The following ABRAXAS1 variants were observed in gnomAD, a reference collection of about 807,000 sequenced individuals.
The protein encoded by ABRAXAS1 is BRCA1-A complex subunit Abraxas 1.
ABRAXAS1 carries 26 observed loss-of-function variants against 38.4 expected under a neutral mutation model. The observed-to-expected ratio is 0.68, with a 90% CI of 0.50 to 0.94. The LOEUF is 0.94. Among genes scored for constraint, ABRAXAS1 ranks in the 40% least tolerant of loss-of-function variants. The probability of loss-of-function intolerance (pLI) is 0.00; values close to 1 mark genes in which losing one functional copy is unlikely to be tolerated. For missense variants in ABRAXAS1, 438 were observed against 481.9 expected, an observed-to-expected ratio of 0.91 and a Z score of 0.85; for synonymous variants, 144 against 165.5, an observed-to-expected ratio of 0.87 and a Z score of 1.00.
At chr4:83,478,849 A>G (rs1164534017) in intron 2 of ABRAXAS1, 6 of 153,018 alleles carry the variant, frequency 3.9e-5, no homozygotes. Flanking sequence ...AAAATTATAA[A>G]CTGTATTAGC....
chr4:83,472,969 T>C (rs969434810), intron 3 of ABRAXAS1, among the ~76,000 whole-genome samples: 1 of 152,212 alleles, frequency 6.6e-6, no homozygotes, highest in African/African-American at 2.4e-5. Context: ...TTAAATATGT[T>C]ATACAAAATC....
At chr4:83,469,409 C>T (rs1444975270) in intron 5 of ABRAXAS1, 13 of 322,054 alleles carry the variant, frequency 4.0e-5, no homozygotes, top group Non-Finnish European at 6.5e-5. Flanking sequence ...TTCAACCTCC[C>T]GTGCTCAAGC....
chr4:83,465,122 C>A (rs1004659741), intron 7 of ABRAXAS1, among the ~76,000 whole-genome samples: 1 of 151,578 alleles, frequency 6.6e-6, no homozygotes. Context: ...ATGGCGAAAC[C>A]CTGTCTCTAC....
At chr4:83,480,559 AC>A (rs1722963369) in intron 2 of ABRAXAS1, among the ~76,000 whole-genome samples, 1 of 152,184 alleles carries the variant, frequency 6.6e-6, no homozygotes, top group African/African-American at 2.4e-5. Flanking sequence ...AAAGTAGCAA[AC>A]AAAAATAACA....
chr4:83,484,115 G>A (rs1367679793), intron 1 of ABRAXAS1: 8 of 947,258 alleles, frequency 8.4e-6, no homozygotes, highest in African/African-American at 1.8e-5. Flanking sequence ...TGATTCACCC[G>A]CCTCGGCTTC....
intron 7 of ABRAXAS1, among the ~76,000 whole-genome samples, chr4:83,466,636 C>T (rs1411889042): frequency 7.2e-5 from 11 of 151,740 alleles, no homozygotes; most frequent in African/African-American, 2.2e-4. Context: ...CCTGGGTTCA[C>T]GCCATTCTCC....
chr4:83,468,029 G>A lies in ABRAXAS1; in HGVS notation c.597-491C>T, dbSNP rs559093643. Among the ~76,000 whole-genome samples the A allele has an allele frequency of 3.2e-3, 489 of 152,238 alleles. 3 individuals are homozygous for A. The highest frequency in any genetic ancestry group is 4.9e-3 in the Non-Finnish European group (333 of 68,002). Reference sequence around the variant, plus strand: ...ATGAAAAATGTGCATCTTGCCGGGCGCGGTGGCTCACGCCTGTAATCCCAA... The same window carrying A: ...ATGAAAAATGTGCATCTTGCCGGGCACGGTGGCTCACGCCTGTAATCCCAA... On this transcript the variant is annotated intron_variant, in intron 6 of 8. Coordinates refer to ENST00000321945, the MANE Select transcript of ABRAXAS1 (RefSeq NM_139076.3).
Position 83,470,446 on chromosome 4 carries a change from G to A in ABRAXAS1, c.283-50C>T, listed in dbSNP as rs138846806. On this transcript the variant is annotated intron_variant, in intron 4 of 8. Coordinates refer to ENST00000321945, the MANE Select transcript of ABRAXAS1 (RefSeq NM_139076.3). ...TACATCTTAATAGTTACAATGATATGTCTTACTATTATAATTAAATAAAAT... is the reference window on the plus strand; with the variant it reads ...TACATCTTAATAGTTACAATGATATATCTTACTATTATAATTAAATAAAAT... The A allele has an allele frequency of 1.0e-4, 131 of 1,256,266 alleles. No homozygotes were observed. The African/African-American group carries it at 1.8e-3, about 17-fold the overall frequency. 77.8% of individuals were successfully genotyped at this position (1,256,266 alleles called of 1,614,324 possible).
In ABRAXAS1 at chr4:83,462,593, C is replaced by T. The variant is rs755313466; in HGVS notation, c.1106G>A (p.Arg369Gln). ...RSRLLDTQDK[R>Q]SKADTGSSNQ... ...ACTACTACCAGTATCTGCTTTAGAT[C>T]GTTTGTCTTGTGTATCTAACAACCG... The change falls in exon 9 of 9, where the codon CGA becomes CAA. Residue 369 changes from arginine (R) to glutamine (Q), a missense_variant. Transcript: ENST00000321945. 26 of 1,613,914 alleles carry T rather than the reference C, an allele frequency of 1.6e-5. No homozygotes were observed. The highest frequency in any genetic ancestry group is 3.3e-5 in the South Asian group (3 of 91,080).
intron 3 of ABRAXAS1, among the ~76,000 whole-genome samples, chr4:83,473,150 T>A (rs1267076097): frequency 6.6e-6 from 1 of 152,042 alleles, no homozygotes; most frequent in Non-Finnish European, 1.5e-5. Context: ...TGTGGTGGTG[T>A]GTGCCTGTAG....
In ABRAXAS1 at chr4:83,482,224, T is replaced by C. The variant is rs767473687; in HGVS notation, c.108A>G (p.Glu36=). ...DSDTEGFLLG[E]VKGEAKNSIT... ...TGCTGTTCTTGGCTTCACCTTTTACTTCCCCAAGAAGAAAACCTTCCTATG... is the reference window on the plus strand; with the variant it reads ...TGCTGTTCTTGGCTTCACCTTTTACCTCCCCAAGAAGAAAACCTTCCTATG... The change falls in exon 2 of 9, where the codon GAA becomes GAG. Residue 36 remains glutamate, a synonymous_variant. Transcript: ENST00000321945. The C allele has an allele frequency of 6.2e-7, 1 of 1,611,346 alleles. No individual in the cohort carries two copies. Among genetic ancestry groups the C allele is most frequent in the Admixed American group, 1.7e-5 (1 of 59,654 alleles).
Position 83,463,593 on chromosome 4 carries a change from C to G in ABRAXAS1, c.697G>C (p.Val233Leu). Residue 233 changes from valine (V) to leucine (L), a missense_variant, in exon 8 of 9, where the codon GTG becomes CTG. Physicochemically the swap from Val to Leu is conservative, Grantham distance 32. Around this residue, in one of 3 missense-constraint regions of ABRAXAS1, gnomAD observed 194 missense variants for 269.0 expected, o/e 0.72. Transcript: ENST00000321945. ...QEELKSICKK[V>L]EDSEQAVDKL... Reference sequence around the variant, plus strand: ...TCTACTGCTTGTTCACTGTCTTCCACTTTTTTGCATATACTCTGCAAAATA... The same window carrying G: ...TCTACTGCTTGTTCACTGTCTTCCAGTTTTTTGCATATACTCTGCAAAATA... 1 of 1,607,186 alleles carries G rather than the reference C, an allele frequency of 6.2e-7. No individual in the cohort carries two copies. The highest frequency in any genetic ancestry group is 8.5e-7 in the Non-Finnish European group (1 of 1,176,346).
At chr4:83,463,065 A>C (rs942383893) in intron 8 of ABRAXAS1, among the ~76,000 whole-genome samples, 163 bp from the exon 9 acceptor site, 2 of 152,232 alleles carry the variant, frequency 1.3e-5, no homozygotes, top group African/African-American at 4.8e-5. Context: ...ATGCCACAGT[A>C]TTCTAAGACA....
At chr4:83,480,391 T>C in intron 2 of ABRAXAS1, 1 of 420,620 alleles carries the variant, frequency 2.4e-6, no homozygotes, top group Non-Finnish European at 4.7e-6. Flanking sequence ...ACAAAATGTA[T>C]ATATACACAT....
chr4:83,477,629 A>T, intron 2 of ABRAXAS1: 1 of 510,066 alleles, frequency 2.0e-6, no homozygotes, highest in Non-Finnish European at 3.9e-6. Context: ...TTCCCCATGG[A>T]CCTTGCCAAA....
chr4:83,472,211 T>A lies in ABRAXAS1; in HGVS notation c.282+11A>T. ...TAATACCAAAAAAAGGGAAGATAAA[T>A]TAGAGAATACCTTTTTGACATTTGA... is the stretch of plus-strand genomic sequence containing the variant. On this transcript the variant is annotated intron_variant, in intron 4 of 8. Coordinates refer to ENST00000321945, the MANE Select transcript of ABRAXAS1 (RefSeq NM_139076.3). 6.8e-7 allele frequency: 1 copy of A among 1,475,818 alleles called. No individual in the cohort carries two copies. The highest frequency in any genetic ancestry group is 1.3e-5 in the South Asian group (1 of 74,660). 91.4% of individuals were successfully genotyped at this position (1,475,818 alleles called of 1,614,324 possible).
intron 2 of ABRAXAS1, chr4:83,478,162 C>A: frequency 1.3e-6 from 1 of 745,786 alleles, no homozygotes; most frequent in Admixed American, 1.8e-5. Context: ...CTTTAACTCA[C>A]TTTGTTTCCA....
At chr4:83,470,529 A>C in intron 4 of ABRAXAS1, 133 bp from the exon 5 acceptor site, 1 of 586,160 alleles carries the variant, frequency 1.7e-6, no homozygotes, top group Non-Finnish European at 2.9e-6. Flanking sequence ...TATATAAACA[A>C]AGAATACATT....
chr4:83,463,787 A>G (rs750311224), intron 7 of ABRAXAS1, 179 bp from the exon 8 acceptor site: 4 of 398,554 alleles, frequency 1.0e-5, no homozygotes, highest in Non-Finnish European at 1.8e-5. Context: ...TAGGTTATAA[A>G]TAAGCCTTAT....
Sources: gnomAD v4.1 joint callset for allele counts (sites outside exome capture counted in the v4.1 genomes callset) on GRCh38, gnomAD v4.1.1 for gene constraint, gnomAD v4.1.1 regional missense constraint, MANE v1.5 for transcripts, NCBI Gene and HGNC (gene_info 2026-07-23, HGNC 2026-07-21) for gene names.